PKHD1: variants seen among roughly 807,000 people sequenced by gnomAD.
The protein encoded by PKHD1 is PKHD1 ciliary IPT domain containing fibrocystin/polyductin, also known as fibrocystin.
Under a neutral mutation model 412.0 loss-of-function variants are expected in PKHD1, and 291 were observed. That is an observed-to-expected ratio of 0.71 (90% CI 0.64 to 0.78). The LOEUF is 0.78. Ranked by LOEUF, PKHD1 falls within the 30% of genes least tolerant of loss-of-function variation. The pLI is 0.00. For missense variants in PKHD1, 4,825 were observed against 4,950.7 expected (o/e 0.97, Z 0.76); for synonymous variants, 1,777 against 1,821.5 (o/e 0.98, Z 0.62).
At position 51,906,258 on chromosome 6, in the gene PKHD1, G is replaced by A. The variant is rs761680311; in HGVS notation, c.6765C>T (p.Asp2255=). 1 of 1,610,948 alleles carries A rather than the reference G, an allele frequency of 6.2e-7. No homozygotes were observed. The highest frequency in any genetic ancestry group is 1.1e-5 in the South Asian group (1 of 91,024). The change falls in exon 41 of 67, where the codon GAC becomes GAT. Residue 2255 remains aspartate, a synonymous_variant. Transcript: ENST00000371117. ...SMCGTLGLKV[D]SNVFYNILGH... is the part of the protein sequence containing the mutation. ...CTAAAATATTGTAGAATACATTACTGTCCACCTTCAGGCCCAAGGTCCCGC... is the reference window on the plus strand; with the variant it reads ...CTAAAATATTGTAGAATACATTACTATCCACCTTCAGGCCCAAGGTCCCGC...
At chr6:51,805,450 G>C (rs1763621893) in intron 52 of PKHD1, among the ~76,000 whole-genome samples, 1 of 152,146 alleles carries the variant, frequency 6.6e-6, no homozygotes, top group Non-Finnish European at 1.5e-5. Context: ...TGGGTGAAAG[G>C]ATTCACTCAT....
intron 52 of PKHD1, among the ~76,000 whole-genome samples, chr6:51,794,724 A>T (rs1304768772): frequency 6.6e-6 from 1 of 152,114 alleles, no homozygotes. Flanking sequence ...GCCTAGTTTC[A>T]GTTTTTCTGC....
chr6:52,072,202 A>T lies in PKHD1; in HGVS notation c.528-13T>A. Reference sequence around the variant, plus strand: ...CAAGATCACTGGGCTGGATTTAAAAAAAAATGAAAACAAAAGACAAGAGAT... The same window carrying T: ...CAAGATCACTGGGCTGGATTTAAAATAAAATGAAAACAAAAGACAAGAGAT... On this transcript the variant is annotated splice_polypyrimidine_tract_variant and intron_variant, in intron 7 of 66. Transcript: ENST00000371117. 6.4e-7 allele frequency: 1 copy of T among 1,551,540 alleles called. No homozygotes were observed.
intron 54 of PKHD1, among the ~76,000 whole-genome samples, chr6:51,773,095 C>T (rs575408281): frequency 6.6e-6 from 1 of 152,056 alleles, no homozygotes; most frequent in East Asian, 1.9e-4. Context: ...TACTCCTTTC[C>T]ACTCTTACGT....
chr6:51,711,427 TG>T (rs1780650242), intron 60 of PKHD1, among the ~76,000 whole-genome samples: 1 of 152,224 alleles, frequency 6.6e-6, no homozygotes, highest in Non-Finnish European at 1.5e-5. Context: ...GAAATCATCT[TG>T]TCTCTATCCC....
At chr6:51,666,455 G>A (rs887414504) in intron 60 of PKHD1, among the ~76,000 whole-genome samples, 1 of 152,112 alleles carries the variant, frequency 6.6e-6, no homozygotes, top group Non-Finnish European at 1.5e-5. Flanking sequence ...TTGGATGATT[G>A]ACGTTTGTTT....
intron 48 of PKHD1, among the ~76,000 whole-genome samples, chr6:51,866,571 G>T (rs1368642136): frequency 1.3e-5 from 2 of 152,074 alleles, no homozygotes; most frequent in African/African-American, 4.8e-5. Flanking sequence ...CTCTCCAAGA[G>T]ACAGCCTACC....
chr6:51,721,970 C>T (rs956470238), intron 60 of PKHD1: 26 of 1,613,424 alleles, frequency 1.6e-5, no homozygotes, highest in African/African-American at 2.7e-5. Context: ...AGTTCAGCTT[C>T]CTGCAGGCTC....
intron 48 of PKHD1, among the ~76,000 whole-genome samples, chr6:51,860,762 T>C (rs1168563311): frequency 3.3e-5 from 5 of 152,272 alleles, no homozygotes; most frequent in African/African-American, 1.2e-4. Flanking sequence ...TTGTTTTTCT[T>C]TTCTGTGGGC....
At chr6:51,927,725 A>T (rs557075206) in intron 37 of PKHD1, among the ~76,000 whole-genome samples, 2 of 152,194 alleles carry the variant, frequency 1.3e-5, no homozygotes, top group Admixed American at 1.3e-4. Context: ...AGCAGGGGAA[A>T]CAATTAGAGA....
In PKHD1 at chr6:51,616,390, A is replaced by G. The variant is rs184420773; in HGVS notation, c.*2691T>C. On this transcript the variant is annotated 3_prime_UTR_variant, in exon 67 of 67. Coordinates refer to ENST00000371117, the MANE Select transcript of PKHD1 (RefSeq NM_138694.4). ...GGGTGTAGATTGTCACTGCTGGGAAATATTTGCTGGGTTACCCATGTTAAC... is the reference window on the plus strand; with the variant it reads ...GGGTGTAGATTGTCACTGCTGGGAAGTATTTGCTGGGTTACCCATGTTAAC... The G allele has an allele frequency of 2.2e-4, 70 of 325,556 alleles. No individual in the cohort carries two copies. The East Asian group carries it at 3.0e-3, about 14-fold the overall frequency. 20.2% of individuals were successfully genotyped at this position (325,556 alleles called of 1,614,324 possible).
At chr6:51,982,647 T>C (rs1401758599) in intron 35 of PKHD1, among the ~76,000 whole-genome samples, 7 of 147,814 alleles carry the variant, frequency 4.7e-5, no homozygotes, top group Non-Finnish European at 1.0e-4. Context: ...TCCCTAATCT[T>C]AAGTACCCAG....
chr6:51,964,531 A>T (rs1385197725), intron 35 of PKHD1, among the ~76,000 whole-genome samples: 1 of 152,116 alleles, frequency 6.6e-6, no homozygotes, highest in African/African-American at 2.4e-5. Context: ...TAATCAGTCA[A>T]CCCCTAATAG....
At position 51,717,777 on chromosome 6, in the gene PKHD1, G is replaced by T. The variant is rs1222333239; in HGVS notation, c.10156+26608C>A. Among the ~76,000 whole-genome samples, 6 of 152,318 alleles carry T rather than the reference G, an allele frequency of 3.9e-5. No homozygotes were observed. The South Asian group carries it at 6.2e-4, about 16-fold the overall frequency. On this transcript the variant is annotated intron_variant, in intron 60 of 66. Coordinates refer to ENST00000371117, the MANE Select transcript of PKHD1 (RefSeq NM_138694.4). ...ATCCGTCAATAGGCAGGGAAAGGAAGGAGACACTGGGAAGAGAGTGGAAGG... is the reference window on the plus strand; with the variant it reads ...ATCCGTCAATAGGCAGGGAAAGGAATGAGACACTGGGAAGAGAGTGGAAGG...
At position 51,659,989 on chromosome 6, in the gene PKHD1, AAAC is replaced by A. The variant is rs1379832202; in HGVS notation, c.10157-23_10157-21del. ...ATGTACCTATAAAAGAAAAGAAGCA[AAAC>A]AAGTGATATATGAATTATAATCTGT... On this transcript the variant is annotated intron_variant, in intron 60 of 66. Coordinates refer to ENST00000371117, the MANE Select transcript of PKHD1 (RefSeq NM_138694.4). 1 of 1,434,362 alleles carries A rather than the reference AAAC, an allele frequency of 7.0e-7. No individual in the cohort carries two copies. The highest frequency in any genetic ancestry group is 1.4e-5 in the African/African-American group (1 of 71,144). The allele number at this position is 1,434,362 out of a possible 1,614,324, so 88.9% of individuals were successfully genotyped here.
intron 27 of PKHD1, among the ~76,000 whole-genome samples, chr6:52,036,454 A>T (rs1803960448): frequency 6.6e-6 from 1 of 152,180 alleles, no homozygotes; most frequent in Non-Finnish European, 1.5e-5. Flanking sequence ...GCAGCCTTTG[A>T]TCTAGCTAAT....
intron 53 of PKHD1, among the ~76,000 whole-genome samples, chr6:51,786,210 C>G (rs1792829253): frequency 6.6e-6 from 1 of 152,044 alleles, no homozygotes; most frequent in African/African-American, 2.4e-5. Flanking sequence ...AACCCGAAAC[C>G]CTGGATATAT....
rs1810464510 is a variant in PKHD1 at position 52,070,592 on chromosome 6, A to G, written c.668-147T>C. On this transcript the variant is annotated intron_variant, in intron 9 of 66. Transcript: ENST00000371117. ...TTTAGTGGTTCCCCCCCGCAAAAAC[A>G]AACAAACAAACAAAAAAACAAAAAC... is the stretch of plus-strand genomic sequence containing the variant. 4.6e-6 allele frequency: 3 copies of G among 658,386 alleles called. No homozygotes were observed. In the East Asian group the frequency reaches 8.1e-5, roughly 18 times the overall value. The allele number at this position is 658,386 out of a possible 1,614,324, so 40.8% of individuals were successfully genotyped here.
Position 52,024,501 on chromosome 6 carries a change from A to G in PKHD1, c.5236+73T>C, listed in dbSNP as rs909732597. On this transcript the variant is annotated intron_variant, in intron 32 of 66. Coordinates refer to ENST00000371117, the MANE Select transcript of PKHD1 (RefSeq NM_138694.4). ...ATCAGGCAGATTGTGTTAATTTTCT[A>G]CTTTCCAGAAGTGAAAGGAGCTACC... The G allele has an allele frequency of 8.6e-6, 12 of 1,398,816 alleles. 1 individual carries two copies. The highest frequency in any genetic ancestry group is 7.1e-6 in the Non-Finnish European group (7 of 990,574). The allele number at this position is 1,398,816 out of a possible 1,614,324, so 86.7% of individuals were successfully genotyped here. A position where few individuals can be genotyped will look rare whatever the true frequency, so the allele number is the denominator to read the frequency against.
Sources: gnomAD v4.1 joint callset for allele counts (sites outside exome capture counted in the v4.1 genomes callset) on GRCh38, gnomAD v4.1.1 for gene constraint, MANE v1.5 for transcripts, NCBI Gene and HGNC (gene_info 2026-07-23, HGNC 2026-07-21) for gene names.